The following GALNT13 variants were observed in gnomAD, a reference collection of about 807,000 sequenced individuals.
GALNT13 encodes polypeptide N-acetylgalactosaminyltransferase 13.
A neutral mutation model predicts 64.2 loss-of-function variants in GALNT13; 28 were observed. The observed-to-expected ratio is 0.44, with a 90% confidence interval of 0.32 to 0.60. The LOEUF is 0.60. Among genes scored for constraint, GALNT13 ranks in the 20% least tolerant of loss-of-function variants. The pLI is 0.05. For synonymous variants in GALNT13, 214 were observed against 224.6 expected (o/e 0.95, Z 0.42); for missense variants, 577 against 669.8 (o/e 0.86, Z 1.53).
the GALNT13 span, among the ~76,000 whole-genome samples, chr2:153,487,021 G>T: frequency 1.3e-5 from 2 of 152,194 alleles, no homozygotes; most frequent in African/African-American, 4.8e-5. Flanking sequence ...TTAATCAGAG[G>T]TGGGATTATA....
At chr2:153,854,381 A>C in the GALNT13 span, among the ~76,000 whole-genome samples, 5 of 151,976 alleles carry the variant, frequency 3.3e-5, no homozygotes, top group African/African-American at 1.2e-4. Context: ...GGAGTTCAAG[A>C]CCAGCCTGGC....
At chr2:153,754,863 G>A in the GALNT13 span, among the ~76,000 whole-genome samples, 1 of 152,140 alleles carries the variant, frequency 6.6e-6, no homozygotes, top group African/African-American at 2.4e-5. Context: ...AATTCTGCCT[G>A]CTGGAATTGG....
At chr2:153,650,308 A>G in the GALNT13 span, among the ~76,000 whole-genome samples, 3 of 151,380 alleles carry the variant, frequency 2.0e-5, no homozygotes, top group East Asian at 5.8e-4. Context: ...TTTGTTTTCC[A>G]TTTGCTTGGT....
intron 4 of GALNT13, among the ~76,000 whole-genome samples, chr2:154,201,827 G>A (rs1219654122): frequency 2.6e-5 from 4 of 152,226 alleles, no homozygotes; most frequent in Admixed American, 6.6e-5. Context: ...ATAGATATGT[G>A]TCTGGCAGTG....
chr2:153,436,890 C>T, the GALNT13 span, among the ~76,000 whole-genome samples: 13 of 152,210 alleles, frequency 8.5e-5, no homozygotes, highest in Non-Finnish European at 1.5e-4. Context: ...TTTGCTCTTG[C>T]TTCTGTAGTT....
intron 11 of GALNT13, among the ~76,000 whole-genome samples, chr2:154,414,580 A>G (rs1410677033): frequency 6.6e-6 from 1 of 151,556 alleles, no homozygotes; most frequent in Non-Finnish European, 1.5e-5. Context: ...CCATATTTCT[A>G]GCATTATCAG....
chr2:153,445,593 G>T, the GALNT13 span, among the ~76,000 whole-genome samples: 7 of 152,106 alleles, frequency 4.6e-5, no homozygotes, highest in African/African-American at 1.7e-4. Context: ...GCTCAGGCTG[G>T]TCTCAAACTC....
chr2:153,859,643 A>G, the GALNT13 span, among the ~76,000 whole-genome samples: 476 of 152,306 alleles, frequency 3.1e-3, 1 homozygote, highest in Non-Finnish European at 5.2e-3. Flanking sequence ...CTTTAATATT[A>G]GGAGGAAAAA....
intron 4 of GALNT13, among the ~76,000 whole-genome samples, chr2:154,148,373 C>T (rs1471253830): frequency 1.3e-5 from 2 of 152,052 alleles, no homozygotes; most frequent in Non-Finnish European, 2.9e-5. Context: ...GTGAATAGTG[C>T]CGCAATAAAC....
chr2:153,236,507 C>T, the GALNT13 span, among the ~76,000 whole-genome samples: 17 of 152,130 alleles, frequency 1.1e-4, no homozygotes, highest in South Asian at 3.1e-3. Context: ...ACTCATTTAC[C>T]ATTCCCCAAA....
chr2:153,688,457 T>C, the GALNT13 span, among the ~76,000 whole-genome samples: 2,437 of 152,128 alleles, frequency 0.016, 53 homozygotes, highest in African/African-American at 0.055. Flanking sequence ...AAGCCTCTTT[T>C]GAAATATGTT....
chr2:153,093,612 C>A, the GALNT13 span, among the ~76,000 whole-genome samples: 1 of 152,222 alleles, frequency 6.6e-6, no homozygotes, highest in Non-Finnish European at 1.5e-5. Context: ...CATCAATATT[C>A]ATCAGTAACA....
the GALNT13 span, among the ~76,000 whole-genome samples, chr2:153,193,396 T>C: frequency 7.3e-6 from 1 of 136,284 alleles, no homozygotes; most frequent in South Asian, 2.3e-4. Context: ...AATTGAACAA[T>C]GAGATCACAT....
the GALNT13 span, among the ~76,000 whole-genome samples, chr2:153,519,192 G>A: frequency 3.9e-5 from 6 of 152,048 alleles, no homozygotes; most frequent in Admixed American, 3.9e-4. Context: ...CTGTAAAATC[G>A]ATATTTTCCA....
At chr2:154,133,157 A>G (rs1682723781) in intron 3 of GALNT13, among the ~76,000 whole-genome samples, 2 of 152,140 alleles carry the variant, frequency 1.3e-5, no homozygotes, top group Admixed American at 1.3e-4. Flanking sequence ...AAGGCAGAAT[A>G]AGTGATCCAT....
chr2:153,112,666 G>T, the GALNT13 span, among the ~76,000 whole-genome samples: 3 of 152,032 alleles, frequency 2.0e-5, no homozygotes, highest in Admixed American at 6.6e-5. Flanking sequence ...ATTAAAGAGC[G>T]TGTTGAATTA....
chr2:153,991,311 G>A (rs957911141), intron 3 of GALNT13, among the ~76,000 whole-genome samples: 1 of 152,150 alleles, frequency 6.6e-6, no homozygotes, highest in African/African-American at 2.4e-5. Context: ...GAAGGATTGA[G>A]GATTCAGGGA....
the GALNT13 span, among the ~76,000 whole-genome samples, chr2:153,619,714 T>C: frequency 6.6e-6 from 1 of 152,168 alleles, no homozygotes; most frequent in Non-Finnish European, 1.5e-5. Context: ...TCACCAGATA[T>C]ACTATTGTAA....
intron 8 of GALNT13, among the ~76,000 whole-genome samples, chr2:154,292,667 A>G (rs769657909): frequency 2.0e-5 from 3 of 152,180 alleles, no homozygotes; most frequent in African/African-American, 4.8e-5. Flanking sequence ...ATTGTACTAT[A>G]TGGTCTCCAT....
Sources: gnomAD v4.1 joint callset for allele counts (sites outside exome capture counted in the v4.1 genomes callset) on GRCh38, gnomAD v4.1.1 for gene constraint, MANE v1.5 for transcripts, NCBI Gene and HGNC (gene_info 2026-07-23, HGNC 2026-07-21) for gene names.